The following GSG1L variants were observed in gnomAD, a reference collection of about 807,000 sequenced individuals.
GSG1L encodes the protein germ cell-specific gene 1-like protein.
Under a neutral mutation model 42.1 loss-of-function variants are expected in GSG1L, and 24 were observed. The ratio of observed to expected loss-of-function variants is 0.57; its 90% CI spans 0.41 to 0.80. GSG1L has a LOEUF of 0.80. Ranked by LOEUF, GSG1L falls within the 30% of genes least tolerant of loss-of-function variation. GSG1L has a pLI of 0.00. For missense variants in GSG1L, 445 were observed against 472.2 expected, an observed-to-expected ratio of 0.94 and a Z score of 0.53; for synonymous variants, 215 against 203.5, an observed-to-expected ratio of 1.06 and a Z score of -0.48.
In GSG1L at chr16:27,877,708, C is replaced by T. The variant is rs534428782; in HGVS notation, c.550+6778G>A. On this transcript the variant is annotated intron_variant, in intron 3 of 6. Coordinates refer to ENST00000447459, the MANE Select transcript of GSG1L (RefSeq NM_001109763.2). ...TTCTCCCTTCACTGAATCATCCAAA[C>T]CCCAGCCCCTGGGCCCCAGCCTTGA... is the stretch of plus-strand genomic sequence containing the variant. Among the ~76,000 whole-genome samples, 3 of 152,302 alleles carry T rather than the reference C, an allele frequency of 2.0e-5. No individual in the cohort carries two copies. In the East Asian group the frequency reaches 5.8e-4, roughly 29 times the overall value.
At chr16:27,956,407 G>C (rs1199818623) in intron 2 of GSG1L, among the ~76,000 whole-genome samples, 2 of 152,204 alleles carry the variant, frequency 1.3e-5, no homozygotes, top group African/African-American at 4.8e-5. Flanking sequence ...AATCCAGCCA[G>C]GCTGGCTCCA....
chr16:28,034,255 ATCCC>A, intron 1 of GSG1L, among the ~76,000 whole-genome samples: 2 of 61,650 alleles, frequency 3.2e-5, no homozygotes, highest in African/African-American at 1.3e-4. Flanking sequence ...ATCCCATCCC[ATCCC>A]ATCCCATCCC....
chr16:27,803,793 A>ATATATAAT (rs1567460435), intron 6 of GSG1L, among the ~76,000 whole-genome samples: 3 of 56,088 alleles, frequency 5.3e-5, no homozygotes, highest in African/African-American at 2.2e-4. Flanking sequence ...ATATATATAT[A>ATATATAAT]TAGATAGATA....
intron 2 of GSG1L, among the ~76,000 whole-genome samples, chr16:27,910,177 G>A (rs1305135080): frequency 2.7e-5 from 4 of 147,486 alleles, no homozygotes; most frequent in African/African-American, 7.6e-5. Flanking sequence ...TGGCCAGGCT[G>A]TGCTCAAACT....
chr16:27,994,968 G>A (rs1014275239), intron 1 of GSG1L, among the ~76,000 whole-genome samples: 2 of 152,156 alleles, frequency 1.3e-5, no homozygotes, highest in South Asian at 2.1e-4. Context: ...AAACATACGA[G>A]GGAAGAGAGA....
intron 1 of GSG1L, among the ~76,000 whole-genome samples, chr16:27,994,306 T>C (rs1373078590): frequency 6.6e-6 from 1 of 151,392 alleles, no homozygotes; most frequent in African/African-American, 2.4e-5. Flanking sequence ...TTGGGGGGGT[T>C]CAGAATGGTG....
chr16:27,903,782 G>C (rs1397556733), intron 2 of GSG1L, among the ~76,000 whole-genome samples: 2 of 152,118 alleles, frequency 1.3e-5, no homozygotes, highest in Admixed American at 6.5e-5. Flanking sequence ...CCCAGCCCCA[G>C]GAAGTCCCCC....
chr16:27,898,447 C>G (rs1644593), intron 2 of GSG1L, among the ~76,000 whole-genome samples: 79,971 of 150,402 alleles, frequency 0.53, 22,200 homozygotes, highest in Non-Finnish European at 0.62. Flanking sequence ...AAGGCAGAAG[C>G]ACGAGAAAGG....
chr16:27,896,751 C>A (rs559534290), intron 2 of GSG1L, among the ~76,000 whole-genome samples: 2 of 152,230 alleles, frequency 1.3e-5, no homozygotes, highest in Admixed American at 6.5e-5. Context: ...TGATGCGGGG[C>A]CATGAGCCAA....
intron 2 of GSG1L, among the ~76,000 whole-genome samples, chr16:27,899,090 G>A (rs140895070): frequency 2.5e-4 from 38 of 152,340 alleles, no homozygotes; most frequent in African/African-American, 7.2e-4. Flanking sequence ...GAGGAGGCTG[G>A]CATGGGAGGC....
intron 4 of GSG1L, among the ~76,000 whole-genome samples, chr16:27,843,071 C>T (rs1307851008): frequency 6.6e-6 from 1 of 152,236 alleles, no homozygotes; most frequent in Non-Finnish European, 1.5e-5. Flanking sequence ...GCAACGCTGT[C>T]TCAGCACTGC....
chr16:27,856,784 G>C (rs1318410272), intron 3 of GSG1L, among the ~76,000 whole-genome samples: 1 of 152,182 alleles, frequency 6.6e-6, no homozygotes, highest in Non-Finnish European at 1.5e-5. Context: ...ATTGTACCTT[G>C]GGCATCGGAT....
chr16:27,964,661 A>C (rs1459841669), intron 1 of GSG1L, among the ~76,000 whole-genome samples: 1 of 152,240 alleles, frequency 6.6e-6, no homozygotes, highest in Non-Finnish European at 1.5e-5. Flanking sequence ...AAGTGAAATA[A>C]GCCAGGCACA....
At chr16:28,048,092 G>A (rs1184303649) in intron 1 of GSG1L, among the ~76,000 whole-genome samples, 2 of 151,714 alleles carry the variant, frequency 1.3e-5, no homozygotes, top group African/African-American at 4.8e-5. Flanking sequence ...AGCCAGGCAT[G>A]GTGGCATGCA....
chr16:27,817,905 A>G (rs1334342918), intron 5 of GSG1L, among the ~76,000 whole-genome samples: 1 of 152,162 alleles, frequency 6.6e-6, no homozygotes, highest in Non-Finnish European at 1.5e-5. Flanking sequence ...TTGGCTGGCC[A>G]CATCCACCTC....
chr16:27,955,910 AAGGAAGG>A (rs1300202548), intron 2 of GSG1L, among the ~76,000 whole-genome samples: 5 of 145,926 alleles, frequency 3.4e-5, no homozygotes, highest in African/African-American at 1.1e-4. Flanking sequence ...GGAAGGAAGG[AAGGAAGG>A]AAGGAAGGAA....
chr16:27,961,375 A>ATGCGCATCCCAGAGGGC (rs1555511032), intron 2 of GSG1L, among the ~76,000 whole-genome samples: 6 of 150,806 alleles, frequency 4.0e-5, no homozygotes, highest in African/African-American at 1.5e-4. Flanking sequence ...GAATTATGGG[A>ATGCGCATCCCAGAGGGC]TGCACATCCC....
rs1372398020 is a variant in GSG1L at position 27,876,950 on chromosome 16, C to T, written c.550+7536G>A. On this transcript the variant is annotated intron_variant, in intron 3 of 6. Coordinates refer to ENST00000447459, the MANE Select transcript of GSG1L (RefSeq NM_001109763.2). ...ATTTCCCGGAGATGGACAGGTTTCT[C>T]TTTGTGCCAGTGCTGTTTTTCCTGA... Among the ~76,000 whole-genome samples, 3 of 152,208 alleles carry T rather than the reference C, an allele frequency of 2.0e-5. No individual in the cohort carries two copies. The East Asian group carries it at 5.8e-4, about 29-fold the overall frequency.
chr16:28,025,250 G>A (rs1376374473), intron 1 of GSG1L, among the ~76,000 whole-genome samples: 1 of 152,126 alleles, frequency 6.6e-6, no homozygotes, highest in Non-Finnish European at 1.5e-5. Context: ...AGGAGAGTGG[G>A]TGCAGGAAAG....
Sources: gnomAD v4.1 joint callset for allele counts (sites outside exome capture counted in the v4.1 genomes callset) on GRCh38, gnomAD v4.1.1 for gene constraint, MANE v1.5 for transcripts, NCBI Gene and HGNC (gene_info 2026-07-23, HGNC 2026-07-21) for gene names.